NOP58: variants seen among roughly 807,000 people sequenced by gnomAD.
The protein encoded by NOP58 is NOP58 ribonucleoprotein, also known as nucleolar protein 58.
NOP58 carries 44 observed loss-of-function variants against 71.2 expected under a neutral mutation model. That is an observed-to-expected ratio of 0.62 (90% CI 0.49 to 0.79). NOP58 has a LOEUF of 0.79. Ranked by LOEUF, NOP58 falls within the 30% of genes least tolerant of loss-of-function variation. The pLI is 0.00. For missense variants in NOP58, 538 were observed against 620.2 expected (o/e 0.87, Z 1.41); for synonymous variants, 228 against 200.3 (o/e 1.14, Z -1.17).
chr2:202,301,367 T>C (rs968985862), intron 13 of NOP58, among the ~76,000 whole-genome samples: 2 of 152,072 alleles, frequency 1.3e-5, no homozygotes, highest in African/African-American at 4.8e-5. Context: ...TTATTTTTAG[T>C]AGAGACAGGG....
intron 9 of NOP58, 63 bp downstream of exon 9, chr2:202,292,966 TTTACATCTTTAA>T (rs1688928991): frequency 6.3e-7 from 1 of 1,576,662 alleles, no homozygotes; most frequent in East Asian, 2.2e-5. Flanking sequence ...TAGGATTTTG[TTTACATCTTTAA>T]ACTACAGCTG....
intron 3 of NOP58, among the ~76,000 whole-genome samples, chr2:202,280,438 G>A (rs965036455): frequency 9.2e-5 from 14 of 152,060 alleles, no homozygotes; most frequent in Non-Finnish European, 2.1e-4. Context: ...ATTCTCCCAG[G>A]AGGCTGGGTT....
intron 5 of NOP58, among the ~76,000 whole-genome samples, chr2:202,286,227 G>A (rs1017833293): frequency 2.7e-5 from 4 of 145,812 alleles, no homozygotes; most frequent in Non-Finnish European, 6.0e-5. Flanking sequence ...TAGGCCAGGC[G>A]CAGTGGCTCA....
At chr2:202,267,124 G>A (rs1443677292) in intron 1 of NOP58, among the ~76,000 whole-genome samples, 2 of 152,166 alleles carry the variant, frequency 1.3e-5, no homozygotes, top group African/African-American at 2.4e-5. Context: ...GAATGAGTGA[G>A]ATTGAGTGCC....
intron 1 of NOP58, among the ~76,000 whole-genome samples, chr2:202,270,912 AC>A (rs564593775): frequency 9.3e-4 from 142 of 151,998 alleles, no homozygotes; most frequent in African/African-American, 3.3e-3. Flanking sequence ...ACATAGTGAA[AC>A]CCCGTCTCTA....
chr2:202,293,712 A>T (rs535382050), intron 9 of NOP58, among the ~76,000 whole-genome samples: 1 of 152,258 alleles, frequency 6.6e-6, no homozygotes, highest in Admixed American at 6.5e-5. Flanking sequence ...CTGGGATTAC[A>T]GGCATGTGCT....
chr2:202,292,044 T>C (rs2105851518), intron 8 of NOP58, among the ~76,000 whole-genome samples: 2 of 127,596 alleles, frequency 1.6e-5, no homozygotes, highest in South Asian at 5.6e-4. Flanking sequence ...TGGAGTGCAG[T>C]GGCACGTTCT....
intron 6 of NOP58, among the ~76,000 whole-genome samples, chr2:202,288,642 G>A (rs1559264159): frequency 6.6e-6 from 1 of 151,428 alleles, no homozygotes; most frequent in Non-Finnish European, 1.5e-5. Context: ...GGTGAAACCC[G>A]ATCTTTAGTA....
rs758955491 is a variant in NOP58 at position 202,278,213 on chromosome 2, G to C, written c.175+211G>C. ...TTGAGTTAGCTTTTTTCACCATAGG[G>C]CTGGTTTTCCCCATGTGTGAGGAGA... On this transcript the variant is annotated intron_variant, in intron 3 of 14. Transcript: ENST00000264279. The C allele has an allele frequency of 7.7e-6, 5 of 645,266 alleles. No homozygotes were observed. In the African/African-American group the frequency reaches 9.0e-5, roughly 12 times the overall value. The allele number at this position is 645,266 out of a possible 1,614,324, so 40.0% of individuals were successfully genotyped here. A position where few individuals can be genotyped will look rare whatever the true frequency, so the allele number is the denominator to read the frequency against.
At chr2:202,292,659 C>A in intron 8 of NOP58, 118 bp from the exon 9 acceptor site, 1 of 766,714 alleles carries the variant, frequency 1.3e-6, no homozygotes. Flanking sequence ...GTGATGTACC[C>A]AGTACCCAGG....
At chr2:202,271,428 A>G (rs1431948350) in intron 1 of NOP58, among the ~76,000 whole-genome samples, 3 of 151,018 alleles carry the variant, frequency 2.0e-5, no homozygotes, top group Non-Finnish European at 4.4e-5. Context: ...TTAGCCAGGC[A>G]TGGCAGCATG....
At chr2:202,290,565 A>G in intron 7 of NOP58, 108 bp downstream of exon 7, 1 of 908,804 alleles carries the variant, frequency 1.1e-6, no homozygotes, top group Non-Finnish European at 1.6e-6. Flanking sequence ...GGTTTTTGCA[A>G]TTTCTGTGTA....
At chr2:202,303,355 C>G (rs764735513) in intron 14 of NOP58, 31 bp from the exon 15 acceptor site, 1 of 1,609,588 alleles carries the variant, frequency 6.2e-7, no homozygotes, top group Non-Finnish European at 8.5e-7. Context: ...AATTTCAGCT[C>G]TTTCAAAGCA....
At chr2:202,290,733 C>T (rs1185163414) in intron 7 of NOP58, among the ~76,000 whole-genome samples, 2 of 152,120 alleles carry the variant, frequency 1.3e-5, no homozygotes, top group African/African-American at 2.4e-5. Flanking sequence ...TGTTGATTGT[C>T]GTTAACGTAC....
intron 1 of NOP58, among the ~76,000 whole-genome samples, chr2:202,273,273 C>A (rs1176059988): frequency 6.6e-6 from 1 of 152,174 alleles, no homozygotes; most frequent in African/African-American, 2.4e-5. Context: ...ATTACTATGA[C>A]AAATAAAACC....
In NOP58 at chr2:202,286,502, C is replaced by G. The variant is rs547960725; in HGVS notation, c.435-1158C>G. On this transcript the variant is annotated intron_variant, in intron 5 of 14. Transcript: ENST00000264279. ...CCTGGGTGACAGAGTAAGACTCCGT[C>G]TCAAAACAAAACAAAAAAGAAACAC... 2.1e-4 allele frequency among the ~76,000 whole-genome samples: 32 copies of G among 152,150 alleles called. 1 individual carries two copies. The South Asian group carries it at 6.4e-3, about 31-fold the overall frequency.
chr2:202,285,572 C>T (rs1350491427), intron 5 of NOP58, among the ~76,000 whole-genome samples: 1 of 151,964 alleles, frequency 6.6e-6, no homozygotes, highest in Non-Finnish European at 1.5e-5. Context: ...AACTCCCAGG[C>T]TCAAGTGATC....
chr2:202,275,169 T>G lies in NOP58; in HGVS notation c.102T>G (p.Thr34=). The stretch of plus-strand genomic sequence containing the variant: ...ATAGTTTATGGAAAGAATTTGAAAC[T>G]CCAGAGAAAGCAAACAAAATGTAAG... ...EVDSLWKEFE[T]PEKANKIVKL... Residue 34 remains threonine, a synonymous_variant, in exon 2 of 15, where the codon ACT becomes ACG. Coordinates refer to ENST00000264279, the MANE Select transcript of NOP58 (RefSeq NM_015934.5). 6.4e-7 allele frequency: 1 copy of G among 1,567,486 alleles called. No individual in the cohort carries two copies. Among genetic ancestry groups the G allele is most frequent in the Non-Finnish European group, 8.7e-7 (1 of 1,147,090 alleles).
chr2:202,296,063 A>T (rs1688987792), intron 10 of NOP58, among the ~76,000 whole-genome samples: 1 of 151,774 alleles, frequency 6.6e-6, no homozygotes, highest in Non-Finnish European at 1.5e-5. Context: ...TTGTGTTAGT[A>T]TTTTTTTCCC....
Sources: gnomAD v4.1 joint callset for allele counts (sites outside exome capture counted in the v4.1 genomes callset) on GRCh38, gnomAD v4.1.1 for gene constraint, MANE v1.5 for transcripts, NCBI Gene and HGNC (gene_info 2026-07-23, HGNC 2026-07-21) for gene names.